Variants in SUPT3H observed in about 807,000 individuals in gnomAD.
SUPT3H encodes the protein SPT3 homolog, SAGA and STAGA complex component.
A neutral mutation model predicts 44.3 loss-of-function variants in SUPT3H; 44 were observed. The ratio of observed to expected loss-of-function variants is 0.99; its 90% CI spans 0.78 to 1.28. SUPT3H has a LOEUF of 1.28. Among genes scored for constraint, SUPT3H ranks in the 50% most tolerant of loss-of-function variants. The pLI, the probability that SUPT3H is intolerant of heterozygous loss-of-function variation, is 0.00. For missense variants in SUPT3H, 380 were observed against 387.1 expected (o/e 0.98, Z 0.15); for synonymous variants, 124 against 125.6 (o/e 0.99, Z 0.09).
chr6:45,242,735 C>T (rs1226687561), intron 2 of SUPT3H, among the ~76,000 whole-genome samples: 2 of 152,054 alleles, frequency 1.3e-5, no homozygotes, highest in African/African-American at 2.4e-5. Flanking sequence ...AGGAAGATAA[C>T]AAAATCTAGA....
intron 2 of SUPT3H, among the ~76,000 whole-genome samples, chr6:45,260,148 A>G (rs563048582): frequency 2.6e-5 from 4 of 152,322 alleles, no homozygotes; most frequent in Admixed American, 1.3e-4. Context: ...TATAAAAATC[A>G]GCCCTGTAAC....
intron 3 of SUPT3H, among the ~76,000 whole-genome samples, chr6:45,045,622 A>G (rs1331723835): frequency 6.6e-6 from 1 of 152,086 alleles, no homozygotes; most frequent in Non-Finnish European, 1.5e-5. Context: ...CTCTCTTCCT[A>G]TTTGAATATC....
At chr6:45,187,539 C>A (rs1386816955) in intron 2 of SUPT3H, among the ~76,000 whole-genome samples, 1 of 152,106 alleles carries the variant, frequency 6.6e-6, no homozygotes, top group African/African-American at 2.4e-5. Flanking sequence ...GTTAATCTGT[C>A]TTTTCTTATA....
At chr6:45,000,970 A>G (rs1781938737) in intron 6 of SUPT3H, among the ~76,000 whole-genome samples, 2 of 152,100 alleles carry the variant, frequency 1.3e-5, no homozygotes, top group Admixed American at 6.6e-5. Context: ...GATTATTGAC[A>G]AACTTGAGCT....
chr6:45,320,459 G>A (rs1266419005), intron 2 of SUPT3H, among the ~76,000 whole-genome samples: 3 of 147,994 alleles, frequency 2.0e-5, no homozygotes, highest in African/African-American at 7.5e-5. Flanking sequence ...TTTTTTTTCT[G>A]GTAGACATGG....
intron 2 of SUPT3H, among the ~76,000 whole-genome samples, chr6:45,214,014 G>GAAAAAAA (rs1347931829): frequency 1.2e-4 from 1 of 8,012 alleles, no homozygotes; most frequent in African/African-American, 4.7e-4. Context: ...ATTTTGAAAT[G>GAAAAAAA]CAAAAAAAAA....
chr6:45,105,295 A>G (rs1799116407), intron 3 of SUPT3H, among the ~76,000 whole-genome samples: 1 of 152,180 alleles, frequency 6.6e-6, no homozygotes, highest in Non-Finnish European at 1.5e-5. Flanking sequence ...ATAAAATCTT[A>G]CAAGGATTAG....
intron 3 of SUPT3H, among the ~76,000 whole-genome samples, chr6:45,077,593 C>T (rs548514161): frequency 8.7e-6 from 1 of 114,298 alleles, no homozygotes; most frequent in East Asian, 3.0e-4. Context: ...TGCCACTGCA[C>T]TCCAGCCTAG....
At chr6:45,354,899 T>C (rs973558759) in intron 2 of SUPT3H, among the ~76,000 whole-genome samples, 3 of 152,198 alleles carry the variant, frequency 2.0e-5, no homozygotes, top group African/African-American at 7.2e-5. Context: ...AATTATAATA[T>C]GGGCTTTTGG....
intron 10 of SUPT3H, among the ~76,000 whole-genome samples, chr6:44,894,791 G>A (rs1281526779): frequency 1.3e-5 from 2 of 151,402 alleles, no homozygotes; most frequent in Admixed American, 1.3e-4. Flanking sequence ...CGCCCTTATA[G>A]GCCAGGAAAA....
intron 4 of SUPT3H, among the ~76,000 whole-genome samples, chr6:45,019,409 C>G (rs970262696): frequency 3.3e-5 from 5 of 151,858 alleles, no homozygotes; most frequent in African/African-American, 1.2e-4. Context: ...TGTGTTTGCT[C>G]TTGCTTTTCT....
intron 6 of SUPT3H, among the ~76,000 whole-genome samples, chr6:44,964,077 T>A (rs1037343982): frequency 1.3e-5 from 2 of 152,196 alleles, no homozygotes; most frequent in African/African-American, 4.8e-5. Flanking sequence ...TGTATCTATG[T>A]ACGTATGTTT....
At chr6:45,270,977 C>T (rs774016114) in intron 2 of SUPT3H, among the ~76,000 whole-genome samples, 1 of 152,116 alleles carries the variant, frequency 6.6e-6, no homozygotes, top group African/African-American at 2.4e-5. Flanking sequence ...GGCATCTTGC[C>T]CCTGCCCTAG....
chr6:44,934,687 T>C (rs1355341650), intron 9 of SUPT3H, among the ~76,000 whole-genome samples: 1 of 152,224 alleles, frequency 6.6e-6, no homozygotes, highest in East Asian at 1.9e-4. Context: ...TTCTGCCATG[T>C]GAGGTTTGGG....
chr6:45,136,321 CA>C (rs1352210898), intron 2 of SUPT3H, among the ~76,000 whole-genome samples: 4 of 152,012 alleles, frequency 2.6e-5, no homozygotes, highest in African/African-American at 9.7e-5. Flanking sequence ...ACCAAACACA[CA>C]AACAAAAATC....
intron 2 of SUPT3H, among the ~76,000 whole-genome samples, chr6:45,278,701 C>G (rs1216498835): frequency 2.0e-5 from 3 of 152,134 alleles, no homozygotes; most frequent in Non-Finnish European, 4.4e-5. Context: ...CCTCAAAGCA[C>G]TACAATTTAT....
rs764903771 is a variant in SUPT3H, at chr6:45,014,917, T to C, written c.274-26A>G. 3.7e-6 allele frequency: 5 copies of C among 1,363,526 alleles called. No individual in the cohort carries two copies. In the South Asian group the frequency reaches 4.4e-5, roughly 12 times the overall value. The allele number at this position is 1,363,526 out of a possible 1,614,324, so 84.5% of individuals were successfully genotyped here. Reference sequence around the variant, plus strand: ...CTATTAAAAATATAAAATAAGTAAATAAGAAAACCTATACATATATTCACT... The same window carrying C: ...CTATTAAAAATATAAAATAAGTAAACAAGAAAACCTATACATATATTCACT... On this transcript the variant is annotated intron_variant, in intron 4 of 10. Transcript: ENST00000371459.
rs201123504 is a variant in SUPT3H, at chr6:45,230,682, A to ATTTT, written c.102-124677_102-124676insAAAA. 6.0e-3 allele frequency among the ~76,000 whole-genome samples: 664 copies of ATTTT among 110,838 alleles called. 19 individuals carry two copies. Among genetic ancestry groups the ATTTT allele is most frequent in the African/African-American group, 0.02 (535 of 26,984 alleles). 72.7% of individuals were successfully genotyped at this position (110,838 alleles called of 152,430 possible). A position where few individuals can be genotyped will look rare whatever the true frequency, so the allele number is the denominator to read the frequency against. ...TCAGTCTATATATATATATATATAT[A>ATTTT]TATATTTTTGAGATGGAGTCTTGCT... is the stretch of plus-strand genomic sequence containing the variant. On this transcript the variant is annotated intron_variant, in intron 2 of 10. Transcript: ENST00000371459.
At chr6:44,934,148 T>C (rs1284050264) in intron 9 of SUPT3H, among the ~76,000 whole-genome samples, 1 of 152,196 alleles carries the variant, frequency 6.6e-6, no homozygotes, top group African/African-American at 2.4e-5. Flanking sequence ...AATTAATACA[T>C]TTTTTACTCA....
Sources: gnomAD v4.1 joint callset for allele counts (sites outside exome capture counted in the v4.1 genomes callset) on GRCh38, gnomAD v4.1.1 for gene constraint, MANE v1.5 for transcripts, NCBI Gene and HGNC (gene_info 2026-07-23, HGNC 2026-07-21) for gene names.